RHPN2: variants seen among roughly 807,000 people sequenced by gnomAD.
The protein encoded by RHPN2 is rhophilin-2.
In RHPN2, 40 loss-of-function variants were observed where a neutral mutation model predicts 79.0. The ratio of observed to expected loss-of-function variants is 0.51; its 90% CI spans 0.39 to 0.66. RHPN2 has a LOEUF of 0.66. RHPN2 is among the 30% of genes least tolerant of loss of function. The pLI, the probability that RHPN2 is intolerant of heterozygous loss-of-function variation, is 0.00. For synonymous variants in RHPN2, 285 were observed against 363.5 expected, an observed-to-expected ratio of 0.78 and a Z score of 2.46; for missense variants, 686 against 883.5, an observed-to-expected ratio of 0.78 and a Z score of 2.83.
At chr19:33,034,464 T>G (rs1226081042) in intron 2 of RHPN2, among the ~76,000 whole-genome samples, 2 of 151,374 alleles carry the variant, frequency 1.3e-5, no homozygotes, top group Admixed American at 1.3e-4. Context: ...AAATTAGCTG[T>G]GTGTGGTGGT....
In RHPN2 at chr19:33,011,557, C is replaced by A. The variant is rs1971835227; in HGVS notation, c.593+122G>T. ...CTTTTGAGACTTCCCCAGATAAATG[C>A]AAGATAGGAAAGGGGGCTGAGGTGC... is the stretch of plus-strand genomic sequence containing the variant. On this transcript the variant is annotated intron_variant, in intron 6 of 14. Transcript: ENST00000254260. 3 of 1,191,064 alleles carry A rather than the reference C, an allele frequency of 2.5e-6. No individual in the cohort carries two copies. In the East Asian group the frequency reaches 7.1e-5, roughly 28 times the overall value. The allele number at this position is 1,191,064 out of a possible 1,614,324, so 73.8% of individuals were successfully genotyped here.
chr19:33,025,311 T>TA (rs201499801), intron 3 of RHPN2, among the ~76,000 whole-genome samples: 59,999 of 130,622 alleles, frequency 0.46, 16,316 homozygotes, highest in Non-Finnish European at 0.63. Flanking sequence ...TGTCTCTACT[T>TA]AAAAAAAAAA....
intron 2 of RHPN2, among the ~76,000 whole-genome samples, chr19:33,035,785 T>C (rs945172792): frequency 2.0e-5 from 3 of 152,140 alleles, no homozygotes; most frequent in Non-Finnish European, 2.9e-5. Context: ...TATCCCGATA[T>C]CTGGAGAACA....
In RHPN2 at chr19:32,979,966, T is replaced by G; in HGVS notation, c.*30A>C. 5.0e-6 allele frequency: 8 copies of G among 1,613,578 alleles called. No homozygotes were observed. Among genetic ancestry groups the G allele is most frequent in the Non-Finnish European group, 5.9e-6 (7 of 1,179,530 alleles). On this transcript the variant is annotated 3_prime_UTR_variant, in exon 15 of 15. Transcript: ENST00000254260. ...AAGGCCGAGTCAGCACCGGAAATGT[T>G]CAGGGCCTGAACATGTTTGTTTCCT...
intron 2 of RHPN2, among the ~76,000 whole-genome samples, chr19:33,037,451 T>A (rs1389530301): frequency 6.6e-6 from 1 of 152,204 alleles, no homozygotes; most frequent in Non-Finnish European, 1.5e-5. Context: ...TCTGGTCCCT[T>A]TCCACACTGT....
chr19:33,026,380 C>A (rs1971966750), intron 3 of RHPN2, 124 bp downstream of exon 3: 5 of 1,298,754 alleles, frequency 3.8e-6, no homozygotes, highest in Admixed American at 3.4e-5. Context: ...GGTTCTCTCA[C>A]TTCCGAAAGT....
chr19:33,009,956 T>C (rs1483426242), intron 6 of RHPN2, among the ~76,000 whole-genome samples: 1 of 151,764 alleles, frequency 6.6e-6, no homozygotes, highest in Non-Finnish European at 1.5e-5. Context: ...TTTTTGTATT[T>C]TTAGTAGAGA....
intron 14 of RHPN2, among the ~76,000 whole-genome samples, chr19:32,983,911 G>A (rs1971596555): frequency 6.6e-6 from 1 of 152,192 alleles, no homozygotes; most frequent in South Asian, 2.1e-4. Context: ...ACAGGCGTGA[G>A]CCACTGTGCC....
In RHPN2 at chr19:32,991,975, G is replaced by A. The variant is rs1419495241; in HGVS notation, c.1498-6C>T. On this transcript the variant is annotated splice_region_variant and splice_polypyrimidine_tract_variant and intron_variant, in intron 12 of 14. Transcript: ENST00000254260. ...GAAAACACAGATAAGGGGCCCTTTG[G>A]AAGAGAGCATCGTTAGGTGTAGGAT... 1 of 1,613,772 alleles carries A rather than the reference G, an allele frequency of 6.2e-7. No individual in the cohort carries two copies. Among genetic ancestry groups the A allele is most frequent in the African/African-American group, 1.3e-5 (1 of 74,924 alleles).
At chr19:33,059,812 T>C (rs1380135594) in intron 1 of RHPN2, among the ~76,000 whole-genome samples, 3 of 152,146 alleles carry the variant, frequency 2.0e-5, no homozygotes, top group African/African-American at 7.2e-5. Context: ...TTCTGACTTG[T>C]CACGCCTTGC....
chr19:32,986,925 G>C (rs1971617105), intron 14 of RHPN2, among the ~76,000 whole-genome samples: 1 of 151,578 alleles, frequency 6.6e-6, no homozygotes, highest in Non-Finnish European at 1.5e-5. Flanking sequence ...ACCCAGGCTG[G>C]AGTGCAGTGG....
In RHPN2 at chr19:32,979,760, T is replaced by C; in HGVS notation, c.*236A>G. ...ACACTATTCTATTTACAATACTTTATATAATAAATAACTTACAGCAGTATA... is the reference window on the plus strand; with the variant it reads ...ACACTATTCTATTTACAATACTTTACATAATAAATAACTTACAGCAGTATA... On this transcript the variant is annotated 3_prime_UTR_variant, in exon 15 of 15. Coordinates refer to ENST00000254260, the MANE Select transcript of RHPN2 (RefSeq NM_033103.5). 5 of 536,048 alleles carry C rather than the reference T, an allele frequency of 9.3e-6. No individual in the cohort carries two copies. Among genetic ancestry groups the C allele is most frequent in the Non-Finnish European group, 1.7e-5 (5 of 301,636 alleles). The allele number at this position is 536,048 out of a possible 1,614,324, so 33.2% of individuals were successfully genotyped here.
chr19:33,011,783 C>A lies in RHPN2; in HGVS notation c.489G>T (p.Arg163=), dbSNP rs367645736. The A allele has an allele frequency of 1.2e-5, 20 of 1,613,992 alleles. No homozygotes were observed. The highest frequency in any genetic ancestry group is 1.7e-5 in the Non-Finnish European group (20 of 1,179,868). Residue 163 remains arginine, a synonymous_variant, in exon 6 of 15, where the codon CGG becomes CGT. Coordinates refer to ENST00000254260, the MANE Select transcript of RHPN2 (RefSeq NM_033103.5). ...TCAGCAGTTCCACCCCGGCCTCATC[C>A]CGGCTAGGCGTCCGACAAGCCTGCA... ...DLRQACRTPS[R]DEAGVELLMT... is the part of the protein sequence containing the mutation.
chr19:33,036,744 GC>G (rs1972059651), intron 2 of RHPN2, among the ~76,000 whole-genome samples: 1 of 152,192 alleles, frequency 6.6e-6, no homozygotes, highest in Non-Finnish European at 1.5e-5. Context: ...CCGACGTCCG[GC>G]CCGCTGGCCC....
intron 2 of RHPN2, among the ~76,000 whole-genome samples, chr19:33,030,930 T>C (rs565252853): frequency 6.6e-6 from 1 of 152,286 alleles, no homozygotes; most frequent in East Asian, 1.9e-4. Flanking sequence ...AGGGGGATAC[T>C]TGTGCTTCTG....
intron 2 of RHPN2, among the ~76,000 whole-genome samples, chr19:33,036,369 G>A (rs1280703077): frequency 1.3e-5 from 2 of 152,058 alleles, no homozygotes; most frequent in Non-Finnish European, 2.9e-5. Flanking sequence ...AGCTGGGAAT[G>A]GTGGTATACG....
Position 33,004,585 on chromosome 19 carries a change from G to A in RHPN2, c.761-1585C>T, listed in dbSNP as rs1301697500. On this transcript the variant is annotated intron_variant, in intron 7 of 14. Transcript: ENST00000254260. ...AAATAGTACATTTTAAGTTATATATGTATATTTTAACACTATTTATTTATT... is the reference window on the plus strand; with the variant it reads ...AAATAGTACATTTTAAGTTATATATATATATTTTAACACTATTTATTTATT... Among the ~76,000 whole-genome samples, 3 of 151,826 alleles carry A rather than the reference G, an allele frequency of 2.0e-5. No individual in the cohort carries two copies. The East Asian group carries it at 5.8e-4, about 30-fold the overall frequency.
intron 4 of RHPN2, among the ~76,000 whole-genome samples, chr19:33,020,570 T>G (rs1248834304): frequency 6.6e-6 from 1 of 151,628 alleles, no homozygotes; most frequent in Non-Finnish European, 1.5e-5. Context: ...CTCGGCTCCC[T>G]GCAACCTCCA....
chr19:33,039,318 A>G (rs1972081915), intron 2 of RHPN2, among the ~76,000 whole-genome samples: 1 of 152,086 alleles, frequency 6.6e-6, no homozygotes, highest in African/African-American at 2.4e-5. Context: ...AGGGCCTGCA[A>G]ACCCCACCAC....
Sources: allele counts gnomAD v4.1 joint callset (sites outside exome capture counted in the v4.1 genomes callset), GRCh38; gene constraint gnomAD v4.1.1; transcripts MANE v1.5; gene names NCBI Gene and HGNC (gene_info 2026-07-23, HGNC 2026-07-21).